The following SLC20A2 variants were observed in gnomAD, a reference collection of about 807,000 sequenced individuals.
The protein encoded by SLC20A2 is sodium-dependent phosphate transporter 2.
In SLC20A2, 30 loss-of-function variants were observed where a neutral mutation model predicts 61.0. The observed-to-expected ratio is 0.49, with a 90% confidence interval of 0.37 to 0.67. The LOEUF is 0.67. Ranked by LOEUF, SLC20A2 falls within the 30% of genes least tolerant of loss-of-function variation. The pLI is 0.00. For missense variants in SLC20A2, 626 were observed against 866.4 expected (o/e 0.72, Z 3.48); for synonymous variants, 351 against 353.3 (o/e 0.99, Z 0.07).
chr8:42,420,599 A>G (rs1802975431), intron 10 of SLC20A2, among the ~76,000 whole-genome samples: 1 of 152,156 alleles, frequency 6.6e-6, no homozygotes, highest in Non-Finnish European at 1.5e-5. Flanking sequence ...TACTGGTTAA[A>G]TTTTCCCTTT....
chr8:42,473,720 C>G (rs140854316), intron 1 of SLC20A2, among the ~76,000 whole-genome samples: 1,571 of 152,220 alleles, frequency 0.01, 20 homozygotes, highest in Middle Eastern at 0.051. Context: ...TGTATATTTT[C>G]TTTGAATGGT....
At chr8:42,496,379 T>A (rs553459349) in intron 1 of SLC20A2, among the ~76,000 whole-genome samples, 1 of 152,168 alleles carries the variant, frequency 6.6e-6, no homozygotes, top group African/African-American at 2.4e-5. Flanking sequence ...AAGGAAAATA[T>A]ACAAAAGGGC....
Position 42,469,843 on chromosome 8 carries a change from G to A in SLC20A2, c.289+2259C>T, listed in dbSNP as rs554186737. On this transcript the variant is annotated intron_variant, in intron 2 of 10. Transcript: ENST00000520262. ...CTTAGGAGGCTGAGGCAGGAGAATC[G>A]CTTGAACCCAGGAGGCAGAGGTTGC... Among the ~76,000 whole-genome samples the A allele has an allele frequency of 2.1e-4, 32 of 151,420 alleles. No homozygotes were observed. In the East Asian group the frequency reaches 4.3e-3, roughly 20 times the overall value.
At position 42,437,624 on chromosome 8, in the gene SLC20A2, T is replaced by C. The variant is rs777755692; in HGVS notation, c.935-47A>G. The stretch of plus-strand genomic sequence containing the variant: ...CTCATTTTCCAGTCTTTTTTTTTTT[T>C]TTCTTTTCTTTTTGAGACGGAGCCT... On this transcript the variant is annotated intron_variant, in intron 7 of 10. Coordinates refer to ENST00000520262, the MANE Select transcript of SLC20A2 (RefSeq NM_001257180.2). The surrounding 1 kb of genome is among the most constrained non-coding windows in gnomAD (Gnocchi z 6.4). The C allele has an allele frequency of 2.8e-6, 4 of 1,451,118 alleles. No individual in the cohort carries two copies. Among genetic ancestry groups the C allele is most frequent in the African/African-American group, 1.4e-5 (1 of 70,122 alleles). 89.9% of individuals were successfully genotyped at this position (1,451,118 alleles called of 1,614,324 possible).
chr8:42,445,658 C>T (rs60517682), intron 5 of SLC20A2, among the ~76,000 whole-genome samples: 7,598 of 152,042 alleles, frequency 0.05, 574 homozygotes, highest in African/African-American at 0.17. Flanking sequence ...GCCTGGGAGG[C>T]GGAGGTTGCA....
upstream of SLC20A2, among the ~76,000 whole-genome samples, chr8:42,504,157 C>T (rs1278130214): frequency 2.0e-5 from 3 of 152,152 alleles, no homozygotes; most frequent in Non-Finnish European, 4.4e-5. Flanking sequence ...CCCAGGCCAG[C>T]CTCGAACTCC....
chr8:42,514,478 C>T (rs1056929007), intron 1 of SLC20A2, among the ~76,000 whole-genome samples: 8 of 152,180 alleles, frequency 5.3e-5, no homozygotes, highest in Admixed American at 5.2e-4. Context: ...CCTCCCCTGG[C>T]TGGGCGCGGT....
At chr8:42,519,785 G>C (rs535171601) in intron 1 of SLC20A2, among the ~76,000 whole-genome samples, 1 of 152,138 alleles carries the variant, frequency 6.6e-6, no homozygotes, top group Admixed American at 6.5e-5. Flanking sequence ...ATTTATGGCT[G>C]TCATAGTTAG....
intron 1 of SLC20A2, among the ~76,000 whole-genome samples, chr8:42,528,026 A>G (rs1396658512): frequency 1.3e-5 from 2 of 152,192 alleles, no homozygotes; most frequent in Non-Finnish European, 2.9e-5. Context: ...TTTCTGTATT[A>G]CCTGATTTTC....
intron 1 of SLC20A2, chr8:42,538,008 T>C (rs993133254): frequency 2.6e-5 from 4 of 152,164 alleles, no homozygotes; most frequent in East Asian, 1.9e-4. Context: ...GAGGAAATAA[T>C]TGTACCTACT....
At chr8:42,433,569 C>A (rs141476936) in intron 8 of SLC20A2, among the ~76,000 whole-genome samples, 4 of 152,040 alleles carry the variant, frequency 2.6e-5, no homozygotes, top group Non-Finnish European at 5.9e-5. Context: ...ATGATCCGCC[C>A]GCCTCAGCCT....
At chr8:42,510,489 T>C (rs1361888661) in intron 1 of SLC20A2, among the ~76,000 whole-genome samples, 1 of 152,254 alleles carries the variant, frequency 6.6e-6, no homozygotes, top group Admixed American at 6.5e-5. Flanking sequence ...GAGCTGCTAA[T>C]TGCCCAAATC....
intron 1 of SLC20A2, among the ~76,000 whole-genome samples, chr8:42,515,226 T>C (rs1246392199): frequency 6.6e-6 from 1 of 152,148 alleles, no homozygotes; most frequent in Non-Finnish European, 1.5e-5. Flanking sequence ...ACTCCGGAGC[T>C]TGTGGTATTA....
intron 1 of SLC20A2, among the ~76,000 whole-genome samples, chr8:42,478,689 C>A (rs911977887): frequency 6.6e-6 from 1 of 152,110 alleles, no homozygotes; most frequent in Non-Finnish European, 1.5e-5. Flanking sequence ...ACTCACGAAA[C>A]TGTTCACTCA....
chr8:42,480,915 C>T (rs1808510261), intron 1 of SLC20A2, among the ~76,000 whole-genome samples: 2 of 152,198 alleles, frequency 1.3e-5, no homozygotes, highest in African/African-American at 4.8e-5. Flanking sequence ...CCCGCCTCAG[C>T]CTCCCAAAGT....
At position 42,437,407 on chromosome 8, in the gene SLC20A2, C is replaced by T; in HGVS notation, c.1105G>A (p.Glu369Lys). 2 of 1,614,158 alleles carry T rather than the reference C, an allele frequency of 1.2e-6. No homozygotes were observed. Among genetic ancestry groups the T allele is most frequent in the Non-Finnish European group, 1.7e-6 (2 of 1,180,026 alleles). ...HKIHIDRGPE[E>K]KPAQESNYRL... ...TAGTTGCTTTCCTGGGCTGGCTTCT[C>T]CTCGGGGCCCCTGTCGATGTGGATT... Residue 369 changes from glutamate to lysine, a missense_variant, in exon 8 of 11, where the codon GAG becomes AAG. This residue lies in a region of SLC20A2 where 361 missense variants were observed against 422.3 expected (regional missense o/e 0.85). Transcript: ENST00000520262. This position sits in a 1 kb window ranked among gnomAD's most constrained non-coding sequence, Gnocchi z 6.4.
chr8:42,471,155 C>A (rs1247648895), intron 2 of SLC20A2: 2 of 456,204 alleles, frequency 4.4e-6, no homozygotes, highest in South Asian at 1.5e-5. Context: ...TTCTCCCTAA[C>A]CAAATTACCC....
chr8:42,515,488 C>G (rs545744899), intron 1 of SLC20A2, among the ~76,000 whole-genome samples: 4 of 152,280 alleles, frequency 2.6e-5, no homozygotes, highest in Admixed American at 2.6e-4. Flanking sequence ...TGAGTTCTCT[C>G]CAGGTGCCGG....
At chr8:42,486,808 G>A (rs940774618) in intron 1 of SLC20A2, among the ~76,000 whole-genome samples, 1 of 152,182 alleles carries the variant, frequency 6.6e-6, no homozygotes, top group Non-Finnish European at 1.5e-5. Context: ...TTGTCTGGAT[G>A]TGTACATTAG....
Sources: allele counts gnomAD v4.1 joint callset (sites outside exome capture counted in the v4.1 genomes callset), GRCh38; gene constraint gnomAD v4.1.1; regional missense constraint gnomAD v4.1.1; non-coding constraint Gnocchi (gnomAD v3.1); transcripts MANE v1.5; gene names NCBI Gene and HGNC (gene_info 2026-07-23, HGNC 2026-07-21).